The following PRH1 variants were observed in gnomAD, a reference collection of about 807,000 sequenced individuals.
PRH1 encodes the protein proline rich protein HaeIII subfamily 1, also known as salivary acidic proline-rich phosphoprotein 1/2.
A neutral mutation model predicts 7.9 loss-of-function variants in PRH1; 7 were observed. The observed-to-expected ratio is 0.89, with a 90% CI of 0.50 to 1.67. The LOEUF (loss-of-function observed/expected upper bound fraction) is 1.67. Ranked by LOEUF, PRH1 falls within the 40% of genes most tolerant of loss-of-function variation. The probability of loss-of-function intolerance (pLI) is 0.00; values close to 1 mark genes in which losing one functional copy is unlikely to be tolerated. For synonymous variants in PRH1, 45 were observed against 80.8 expected, an observed-to-expected ratio of 0.56 and a Z score of 2.38; for missense variants, 109 against 223.6, an observed-to-expected ratio of 0.49 and a Z score of 3.27.
At chr12:11,041,281 T>G (rs2597982) in intron 1 of PRH1, among the ~76,000 whole-genome samples, 56,411 of 112,906 alleles carry the variant, frequency 0.5, 13,095 homozygotes, top group Non-Finnish European at 0.55. Flanking sequence ...TCCATGTCAA[T>G]GCAAACCAAA....
At chr12:10,893,486 A>C (rs1294340109) in intron 2 of PRH1, among the ~76,000 whole-genome samples, 6 of 152,234 alleles carry the variant, frequency 3.9e-5, no homozygotes, top group African/African-American at 1.4e-4. Context: ...TGCCAGCAGC[A>C]TCCGTCCAAT....
chr12:10,901,770 A>G (rs1949727606), intron 2 of PRH1, among the ~76,000 whole-genome samples: 1 of 152,168 alleles, frequency 6.6e-6, no homozygotes, highest in Non-Finnish European at 1.5e-5. Context: ...ACCTACCCAG[A>G]ATTCTCTAAA....
chr12:11,165,116 C>T (rs929939868), intron 1 of PRH1, among the ~76,000 whole-genome samples: 7 of 152,078 alleles, frequency 4.6e-5, no homozygotes, highest in East Asian at 1.9e-4. Context: ...TTCAATTTTA[C>T]GGGTATGTTC....
At chr12:11,100,906 A>G (rs928964192) in intron 1 of PRH1, among the ~76,000 whole-genome samples, 1 of 152,232 alleles carries the variant, frequency 6.6e-6, no homozygotes, top group East Asian at 1.9e-4. Flanking sequence ...ACACAGGAAT[A>G]GTATAGTGAA....
intron 1 of PRH1, chr12:11,022,164 G>C: frequency 6.2e-7 from 1 of 1,613,914 alleles, no homozygotes; most frequent in Non-Finnish European, 8.5e-7. Context: ...GAAATACCAA[G>C]GGCCCCAACA....
chr12:11,079,590 G>C (rs369488530), intron 1 of PRH1, among the ~76,000 whole-genome samples: 3,114 of 69,082 alleles, frequency 0.045, 37 homozygotes, highest in Non-Finnish European at 0.061. Flanking sequence ...AAAAACCTAA[G>C]TGATAAAGGC....
intron 2 of PRH1, among the ~76,000 whole-genome samples, chr12:10,890,030 G>A (rs2135791176): frequency 6.6e-6 from 1 of 152,186 alleles, no homozygotes; most frequent in East Asian, 1.9e-4. Flanking sequence ...TTCATTCCTT[G>A]AGAAATGGTC....
chr12:10,965,972 T>C (rs1371172051), intron 2 of PRH1, among the ~76,000 whole-genome samples: 1 of 152,178 alleles, frequency 6.6e-6, no homozygotes, highest in Non-Finnish European at 1.5e-5. Flanking sequence ...TACTTTTGTA[T>C]GACATTAGTG....
chr12:10,991,347 A>G (rs1214757803), intron 1 of PRH1, among the ~76,000 whole-genome samples: 3 of 152,174 alleles, frequency 2.0e-5, no homozygotes, highest in African/African-American at 4.8e-5. Context: ...TTCTATCTGT[A>G]TATTTCCTTA....
chr12:10,957,560 G>A (rs1938033352), intron 2 of PRH1, among the ~76,000 whole-genome samples: 1 of 152,038 alleles, frequency 6.6e-6, no homozygotes, highest in Admixed American at 6.6e-5. Context: ...AACAAAAATT[G>A]AAAAGTGGAA....
At chr12:10,990,334 A>G (rs867170403) in intron 1 of PRH1, among the ~76,000 whole-genome samples, 19 of 152,302 alleles carry the variant, frequency 1.2e-4, no homozygotes, top group Non-Finnish European at 2.1e-4. Flanking sequence ...GGCCTCAATG[A>G]TTCAGTGATG....
In PRH1 at chr12:11,135,835, A is replaced by C. The variant is rs560499352; in HGVS notation, n.40-14655T>G. Among the ~76,000 whole-genome samples, 12 of 152,324 alleles carry C rather than the reference A, an allele frequency of 7.9e-5. No homozygotes were observed. In the South Asian group the frequency reaches 2.1e-3, roughly 26 times the overall value. On this transcript the variant is annotated intron_variant and non_coding_transcript_variant, in intron 1 of 1. Transcript: ENST00000541175. ...CTTACTTCAACTCTCTTAGAGTTGTATAAGAATGTATACCAATAGTTTATT... is the reference window on the plus strand; with the variant it reads ...CTTACTTCAACTCTCTTAGAGTTGTCTAAGAATGTATACCAATAGTTTATT...
intron 2 of PRH1, among the ~76,000 whole-genome samples, chr12:10,967,850 T>C (rs1938583381): frequency 6.6e-6 from 1 of 152,220 alleles, no homozygotes; most frequent in Non-Finnish European, 1.5e-5. Context: ...AACTGCATCA[T>C]TACTCAAGTG....
At chr12:11,084,955 G>A (rs1944636372) in intron 1 of PRH1, among the ~76,000 whole-genome samples, 1 of 111,926 alleles carries the variant, frequency 8.9e-6, no homozygotes, top group Non-Finnish European at 2.1e-5. Context: ...TGGGATTACA[G>A]GGGCCTGCCA....
intron 1 of PRH1, among the ~76,000 whole-genome samples, chr12:10,995,015 T>G (rs1370117108): frequency 6.6e-6 from 1 of 152,210 alleles, no homozygotes; most frequent in Non-Finnish European, 1.5e-5. Context: ...TATAGTGATA[T>G]TTCCCCTAGA....
At chr12:11,067,900 T>G (rs1283319795) in intron 1 of PRH1, among the ~76,000 whole-genome samples, 1 of 152,174 alleles carries the variant, frequency 6.6e-6, no homozygotes, top group African/African-American at 2.4e-5. Flanking sequence ...AACTTGGATT[T>G]CTTAGTACCA....
intron 1 of PRH1, among the ~76,000 whole-genome samples, chr12:11,014,600 G>A (rs1163948147): frequency 6.6e-6 from 1 of 152,092 alleles, no homozygotes; most frequent in Non-Finnish European, 1.5e-5. Context: ...CTTTGAAGTG[G>A]AAAATCAAAG....
At chr12:10,905,369 T>A (rs1949788590) in intron 2 of PRH1, among the ~76,000 whole-genome samples, 1 of 152,028 alleles carries the variant, frequency 6.6e-6, no homozygotes, top group Non-Finnish European at 1.5e-5. Context: ...TACGTGCCCA[T>A]CAACAATGGA....
At chr12:10,904,911 A>C (rs1188943233) in intron 2 of PRH1, among the ~76,000 whole-genome samples, 4 of 152,096 alleles carry the variant, frequency 2.6e-5, no homozygotes, top group African/African-American at 9.7e-5. Flanking sequence ...GCAGCCAACA[A>C]ATATTTTAAA....
Sources: gnomAD v4.1 joint callset for allele counts (sites outside exome capture counted in the v4.1 genomes callset) on GRCh38, gnomAD v4.1.1 for gene constraint, MANE v1.5 for transcripts, NCBI Gene and HGNC (gene_info 2026-07-23, HGNC 2026-07-21) for gene names.